THOC5: variants seen among roughly 807,000 people sequenced by gnomAD.
THOC5 encodes the protein Fms-interacting protein.
Under a neutral mutation model 92.9 loss-of-function variants are expected in THOC5, and 43 were observed. The ratio of observed to expected loss-of-function variants is 0.46; its 90% CI spans 0.36 to 0.60. THOC5 has a LOEUF of 0.60. Ranked by LOEUF, THOC5 falls within the 20% of genes least tolerant of loss-of-function variation. The pLI is 0.00. For synonymous variants in THOC5, 296 were observed against 320.1 expected (o/e 0.92, Z 0.80); for missense variants, 659 against 849.4 (o/e 0.78, Z 2.79).
intron 17 of THOC5, among the ~76,000 whole-genome samples, chr22:29,514,462 G>A (rs1272399573): frequency 1.3e-5 from 2 of 150,574 alleles, no homozygotes; most frequent in Admixed American, 6.6e-5. Flanking sequence ...GACTACAGGC[G>A]CCCGCCACCA....
intron 11 of THOC5, 89 bp downstream of exon 11, chr22:29,527,989 G>A: frequency 8.4e-7 from 1 of 1,186,178 alleles, no homozygotes; most frequent in Non-Finnish European, 1.2e-6. Context: ...TTGGGCAAAT[G>A]GGTGTTTGGC....
At chr22:29,521,943 G>A (rs2063449648) in intron 12 of THOC5, among the ~76,000 whole-genome samples, 1 of 152,120 alleles carries the variant, frequency 6.6e-6, no homozygotes, top group South Asian at 2.1e-4. Flanking sequence ...GGAACTCCAT[G>A]CTAGGACAGT....
In THOC5 at chr22:29,544,607, T is replaced by TAGAG; in HGVS notation, c.97-8_97-5dup. On this transcript the variant is annotated splice_region_variant and splice_polypyrimidine_tract_variant and intron_variant, in intron 2 of 19. Transcript: ENST00000490103. ...CCTCACTGTAGTATTTACCTTCCTG[T>TAGAG]AGAGGTAAGGATAAAGGCTCTGTGT... 1 of 1,607,034 alleles carries TAGAG rather than the reference T, an allele frequency of 6.2e-7. No individual in the cohort carries two copies. The highest frequency in any genetic ancestry group is 8.5e-7 in the Non-Finnish European group (1 of 1,176,006).
rs148529325 is a variant in THOC5 at position 29,526,761 on chromosome 22, T to C, written c.1067-815A>G. Among the ~76,000 whole-genome samples, 14 of 152,218 alleles carry C rather than the reference T, an allele frequency of 9.2e-5. No individual in the cohort carries two copies. In the East Asian group the frequency reaches 2.1e-3, roughly 23 times the overall value. On this transcript the variant is annotated intron_variant, in intron 11 of 19. Transcript: ENST00000490103. ...ACAGTGGCATCAGGTACTCCTGATA[T>C]GACATGATAGCGACGACCTCATCTA...
chr22:29,532,035 G>T, intron 7 of THOC5, 72 bp from the exon 8 acceptor site: 1 of 1,554,516 alleles, frequency 6.4e-7, no homozygotes, highest in Non-Finnish European at 8.8e-7. Context: ...GCTACTTAGT[G>T]ACCGTAAATC....
At chr22:29,528,037 A>T (rs1601415755) in intron 11 of THOC5, 41 bp downstream of exon 11, 2 of 1,601,086 alleles carry the variant, frequency 1.2e-6, no homozygotes, top group East Asian at 4.5e-5. Context: ...GTGAACTCTT[A>T]GGTGCTACAG....
rs763387488 is a variant in THOC5 at position 29,508,414 on chromosome 22, C to G, written c.*43G>C. On this transcript the variant is annotated 3_prime_UTR_variant, in exon 20 of 20. Transcript: ENST00000490103. ...CAGAGCAGAAAGCAGAAGCCCAGTG[C>G]TCAGGGTGAGGCCTTGGGGGAAACA... 16 of 1,598,046 alleles carry G rather than the reference C, an allele frequency of 1.0e-5. No homozygotes were observed. The African/African-American group carries it at 2.1e-4, about 21-fold the overall frequency.
intron 7 of THOC5, among the ~76,000 whole-genome samples, chr22:29,535,634 G>A (rs1020024103): frequency 6.6e-6 from 1 of 152,112 alleles, no homozygotes; most frequent in Non-Finnish European, 1.5e-5. Context: ...CAGCTCTAAG[G>A]CTGTACCATA....
intron 12 of THOC5, among the ~76,000 whole-genome samples, chr22:29,524,972 A>T (rs1339580793): frequency 6.6e-6 from 1 of 152,160 alleles, no homozygotes; most frequent in East Asian, 1.9e-4. Flanking sequence ...ATGTTTGCAG[A>T]AGAAGAATGC....
In THOC5 at chr22:29,507,961, T is replaced by A. The variant is rs2063154064; in HGVS notation, c.*496A>T. On this transcript the variant is annotated 3_prime_UTR_variant, in exon 20 of 20. Coordinates refer to ENST00000490103, the MANE Select transcript of THOC5 (RefSeq NM_003678.5). Reference sequence around the variant, plus strand: ...ACTGCACTGTCAGACATTTATAACATCCAACGATCAGAGACAATTTGTCCA... The same window carrying A: ...ACTGCACTGTCAGACATTTATAACAACCAACGATCAGAGACAATTTGTCCA... The A allele has an allele frequency of 1.9e-5, 3 of 160,364 alleles. No homozygotes were observed. Among genetic ancestry groups the A allele is most frequent in the Admixed American group, 1.8e-4 (3 of 16,438 alleles). The allele number at this position is 160,364 out of a possible 1,614,324, so 9.9% of individuals were successfully genotyped here.
Position 29,510,519 on chromosome 22 carries a change from G to A in THOC5, c.1988+587C>T, listed in dbSNP as rs2063203930. On this transcript the variant is annotated intron_variant, in intron 19 of 19. Transcript: ENST00000490103. ...AGGCTGAGGCGGAAGGATCGTTTGAGCTCCAGAGGTCAAGACTGCAAGGCT... is the reference window on the plus strand; with the variant it reads ...AGGCTGAGGCGGAAGGATCGTTTGAACTCCAGAGGTCAAGACTGCAAGGCT... 3.9e-5 allele frequency among the ~76,000 whole-genome samples: 6 copies of A among 152,240 alleles called. No homozygotes were observed. In the South Asian group the frequency reaches 1.2e-3, roughly 32 times the overall value.
chr22:29,520,203 C>T (rs1004207094), intron 13 of THOC5, 99 bp from the exon 14 acceptor site: 2 of 1,017,930 alleles, frequency 2.0e-6, no homozygotes, highest in African/African-American at 3.2e-5. Context: ...ACAAACCATC[C>T]AGTCCTGCAG....
chr22:29,544,627 C>T (rs2063976412), intron 2 of THOC5, 24 bp from the exon 3 acceptor site: 1 of 1,573,874 alleles, frequency 6.4e-7, no homozygotes. Context: ...GATAAAGGCT[C>T]TGTGTGCATG....
chr22:29,540,052 G>A (rs917907170), intron 5 of THOC5, among the ~76,000 whole-genome samples: 3 of 152,226 alleles, frequency 2.0e-5, no homozygotes, highest in African/African-American at 7.2e-5. Context: ...GGCCAAGGCA[G>A]GTGGATTACC....
chr22:29,531,538 G>T, intron 8 of THOC5: 1 of 1,140,348 alleles, frequency 8.8e-7, no homozygotes, highest in Non-Finnish European at 1.1e-6. Context: ...TTGATGGGGT[G>T]AGCACCTGGG....
chr22:29,508,447 G>A lies in THOC5; in HGVS notation c.*10C>T, dbSNP rs1170693339. On this transcript the variant is annotated 3_prime_UTR_variant, in exon 20 of 20. Transcript: ENST00000490103. ...GAGGCCTTGGGGGAAACAACGGTCT[G>A]CGCGGGAGATCAGCGATGGCTGAAG... 2.5e-6 allele frequency: 4 copies of A among 1,614,146 alleles called. No individual in the cohort carries two copies. Among genetic ancestry groups the A allele is most frequent in the Non-Finnish European group, 3.4e-6 (4 of 1,179,968 alleles).
intron 7 of THOC5, among the ~76,000 whole-genome samples, chr22:29,533,323 C>T (rs1425804118): frequency 2.0e-5 from 3 of 152,146 alleles, no homozygotes; most frequent in African/African-American, 4.8e-5. Flanking sequence ...CAAGGATGGA[C>T]ACAGAGATTA....
rs941706872 is a variant in THOC5, at chr22:29,525,348, C to T, written c.1175+490G>A. Among the ~76,000 whole-genome samples, 3 of 152,252 alleles carry T rather than the reference C, an allele frequency of 2.0e-5. No homozygotes were observed. The East Asian group carries it at 5.8e-4, about 29-fold the overall frequency. ...GGGGATGCGATGATGGCTGTCATTA[C>T]TGTGCCTCTGCTCACTCTTCTCAAA... On this transcript the variant is annotated intron_variant, in intron 12 of 19. Coordinates refer to ENST00000490103, the MANE Select transcript of THOC5 (RefSeq NM_003678.5).
At chr22:29,540,959 G>A (rs2063868615) in intron 5 of THOC5, among the ~76,000 whole-genome samples, 1 of 152,144 alleles carries the variant, frequency 6.6e-6, no homozygotes, top group African/African-American at 2.4e-5. Context: ...GCTCATGCCT[G>A]TAATTCTAGC....
Sources: gnomAD v4.1 joint callset for allele counts (sites outside exome capture counted in the v4.1 genomes callset) on GRCh38, gnomAD v4.1.1 for gene constraint, MANE v1.5 for transcripts, NCBI Gene and HGNC (gene_info 2026-07-23, HGNC 2026-07-21) for gene names.